ZNF518A: variants seen among roughly 807,000 people sequenced by gnomAD.
ZNF518A encodes zinc finger protein 518A.
ZNF518A carries 47 observed loss-of-function variants against 102.7 expected under a neutral mutation model. The ratio of observed to expected loss-of-function variants is 0.46; its 90% confidence interval spans 0.36 to 0.58. The LOEUF is 0.58. Among genes scored for constraint, ZNF518A ranks in the 20% least tolerant of loss-of-function variants. The pLI is 0.00. For synonymous variants in ZNF518A, 652 were observed against 594.6 expected (o/e 1.10, Z -1.40); for missense variants, 1,793 against 1,699.8 (o/e 1.05, Z -0.96).
rs1235682099 is a variant in ZNF518A, at chr10:96,200,428, G to T, written n.36-3146G>T. ...AAGTAATAATCCCCCTTTCCATTGT[G>T]CTCTTATTGCTCTTACTTTGTGGAG... On this transcript the variant is annotated intron_variant and non_coding_transcript_variant, in intron 1 of 2. Transcript: ENST00000442635. This position sits in a 1 kb window ranked among gnomAD's most constrained non-coding sequence, Gnocchi z 4.3. Among the ~76,000 whole-genome samples, 3 of 151,390 alleles carry T rather than the reference G, an allele frequency of 2.0e-5. No individual in the cohort carries two copies. The highest frequency in any genetic ancestry group is 3.9e-4 in the East Asian group (2 of 5,172).
At chr10:96,167,392 T>G (rs587599021), downstream of ZNF518A, among the ~76,000 whole-genome samples, 27 of 152,284 alleles carry the variant, frequency 1.8e-4, 1 homozygote, top group Admixed American at 1.4e-3. Flanking sequence ...AGGCAGAGGT[T>G]GCAGTGAGCC....
chr10:96,180,175 A>C (rs1299561584), intron 1 of ZNF518A, among the ~76,000 whole-genome samples: 1 of 118,394 alleles, frequency 8.4e-6, no homozygotes, highest in African/African-American at 3.5e-5. Context: ...CCACAGCTCC[A>C]GCCTCTTTTT....
At chr10:96,138,964 A>C in intron 3 of ZNF518A, among the ~76,000 whole-genome samples, 1 of 133,698 alleles carries the variant, frequency 7.5e-6, no homozygotes, top group Non-Finnish European at 1.6e-5. Context: ...TTTTTTGAGG[A>C]AGGGATGGTT....
intron 3 of ZNF518A, among the ~76,000 whole-genome samples, chr10:96,138,906 A>T (rs2081760441): frequency 6.6e-6 from 1 of 152,182 alleles, no homozygotes; most frequent in Admixed American, 6.5e-5. Context: ...AAGTGTTACA[A>T]AAAAAGAAAT....
chr10:96,186,659 G>A (rs1196680423), intron 1 of ZNF518A, among the ~76,000 whole-genome samples: 1 of 152,198 alleles, frequency 6.6e-6, no homozygotes, highest in Non-Finnish European at 1.5e-5. Context: ...GCCTCCCAAA[G>A]TGCTGGGATT....
intron 3 of ZNF518A, among the ~76,000 whole-genome samples, chr10:96,149,390 C>G (rs1487519750): frequency 6.6e-6 from 1 of 152,206 alleles, no homozygotes; most frequent in Non-Finnish European, 1.5e-5. Flanking sequence ...ACTCTCTCCC[C>G]TGTGCCTGGT....
chr10:96,156,607 G>C lies in ZNF518A; in HGVS notation c.285G>C (p.Glu95Asp), dbSNP rs1591221225. ...ISIKTVSCVE[E>D]CTLLHKSERA... is the part of the protein sequence containing the mutation. ...TAAAGACTGTAAGCTGTGTAGAGGA[G>C]TGTACATTGCTTCATAAGTCTGAGA... Residue 95 changes from glutamate to aspartate, a missense_variant, in exon 6 of 6, where the codon GAG becomes GAC. This residue lies in a region of ZNF518A where 1,741 missense variants were observed against 1,622.6 expected (regional missense o/e 1.07). Transcript: ENST00000316045. 1 of 1,613,684 alleles carries C rather than the reference G, an allele frequency of 6.2e-7. No homozygotes were observed. The highest frequency in any genetic ancestry group is 1.3e-5 in the African/African-American group (1 of 74,902).
chr10:96,192,234 C>T, intron 1 of ZNF518A: 3 of 1,199,306 alleles, frequency 2.5e-6, no homozygotes, highest in Non-Finnish European at 3.5e-6. Flanking sequence ...TCTAGTTTAA[C>T]AAAGGCTGTA....
rs1171147987 is a variant in ZNF518A, at chr10:96,142,311, T to G, written c.-302+8663T>G. Among the ~76,000 whole-genome samples the G allele has an allele frequency of 1.3e-4, 5 of 38,376 alleles. No individual in the cohort carries two copies. In the South Asian group the frequency reaches 5.4e-3, roughly 41 times the overall value. The allele number at this position is 38,376 out of a possible 152,430, so 25.2% of individuals were successfully genotyped here. A position where few individuals can be genotyped will look rare whatever the true frequency, so the allele number is the denominator to read the frequency against. ...TTGAAAGTAATATTCTTAGGGTGTG[T>G]GTGTGTGTGTGTGTGTGTGTGTGTG... On this transcript the variant is annotated intron_variant, in intron 3 of 5. Coordinates refer to ENST00000316045, the MANE Select transcript of ZNF518A (RefSeq NM_001330736.2).
intron 1 of ZNF518A, among the ~76,000 whole-genome samples, chr10:96,169,109 G>A (rs782241338): frequency 8.5e-5 from 13 of 152,118 alleles, no homozygotes; most frequent in Non-Finnish European, 1.5e-4. Flanking sequence ...GCTCACTGCA[G>A]CATTGAACTC....
chr10:96,205,065 G>A (rs1487379794), downstream of ZNF518A: 1 of 209,198 alleles, frequency 4.8e-6, no homozygotes, highest in Non-Finnish European at 9.8e-6. Flanking sequence ...ACTGATAAGA[G>A]GCACACTACT....
Position 96,160,161 on chromosome 10 carries a change from A to G in ZNF518A, c.3839A>G (p.Lys1280Arg). The change falls in exon 6 of 6, where the codon AAG becomes AGG. Residue 1280 changes from lysine (K) to arginine (R), a missense_variant. Transcript: ENST00000316045. ...FVSRNRNCKR[K>R]CRDSYQEPPR... Reference sequence around the variant, plus strand: ...TCTAGAAACAGAAACTGTAAACGAAAGTGTAGGGATAGTTACCAAGAACCT... The same window carrying G: ...TCTAGAAACAGAAACTGTAAACGAAGGTGTAGGGATAGTTACCAAGAACCT... 1.9e-6 allele frequency: 3 copies of G among 1,609,572 alleles called. No individual in the cohort carries two copies. The highest frequency in any genetic ancestry group is 1.7e-6 in the Non-Finnish European group (2 of 1,178,190).
At chr10:96,146,475 G>A (rs1554878581) in intron 3 of ZNF518A, among the ~76,000 whole-genome samples, 1 of 151,802 alleles carries the variant, frequency 6.6e-6, no homozygotes, top group African/African-American at 2.4e-5. Flanking sequence ...AACATCTTTT[G>A]CAATCTGATT....
At chr10:96,165,578 A>G (rs901871371), downstream of ZNF518A, among the ~76,000 whole-genome samples, 2 of 151,828 alleles carry the variant, frequency 1.3e-5, no homozygotes, top group South Asian at 2.1e-4. Flanking sequence ...AGCAGATTAC[A>G]TTTTTAGAAC....
At chr10:96,151,245 G>A (rs1043844977) in intron 3 of ZNF518A, among the ~76,000 whole-genome samples, 2 of 152,164 alleles carry the variant, frequency 1.3e-5, no homozygotes, top group African/African-American at 4.8e-5. Context: ...CAGTGTTTTT[G>A]TTAGGAGAAG....
chr10:96,160,248 G>T lies in ZNF518A; in HGVS notation c.3926G>T (p.Arg1309Leu), dbSNP rs368890631. The T allele has an allele frequency of 6.2e-7, 1 of 1,613,356 alleles. No individual in the cohort carries two copies. Among genetic ancestry groups the T allele is most frequent in the Non-Finnish European group, 8.5e-7 (1 of 1,179,620 alleles). ...GAAAAGGCAAAACCTGAAGATGTCCGTGAAACATTTGGATTTAGCAGACCT... is the reference window on the plus strand; with the variant it reads ...GAAAAGGCAAAACCTGAAGATGTCCTTGAAACATTTGGATTTAGCAGACCT... ...CKEKAKPEDV[R>L]ETFGFSRPRL... Residue 1309 changes from arginine to leucine, a missense_variant, in exon 6 of 6, where the codon CGT becomes CTT. By Grantham distance (102) the Arg-to-Leu change is moderately radical (BLOSUM62 -2). Coordinates refer to ENST00000316045, the MANE Select transcript of ZNF518A (RefSeq NM_001330736.2).
downstream of ZNF518A, among the ~76,000 whole-genome samples, chr10:96,164,474 C>A (rs1303083815): frequency 2.0e-5 from 3 of 152,058 alleles, no homozygotes; most frequent in African/African-American, 2.4e-5. Context: ...GAAACTTTTT[C>A]CTGTAATGGA....
At chr10:96,176,797 T>C (rs2083207148) in intron 1 of ZNF518A, among the ~76,000 whole-genome samples, 1 of 151,190 alleles carries the variant, frequency 6.6e-6, no homozygotes, top group Non-Finnish European at 1.5e-5. Context: ...TCAGGAGGGC[T>C]GACGCAGGAG....
intron 3 of ZNF518A, among the ~76,000 whole-genome samples, chr10:96,144,059 C>CA: frequency 6.6e-6 from 1 of 152,260 alleles, no homozygotes; most frequent in Non-Finnish European, 1.5e-5. Flanking sequence ...GATCACGGCT[C>CA]ACTGCAGCCT....
Sources: allele counts gnomAD v4.1 joint callset (sites outside exome capture counted in the v4.1 genomes callset), GRCh38; gene constraint gnomAD v4.1.1; regional missense constraint gnomAD v4.1.1; non-coding constraint Gnocchi (gnomAD v3.1); transcripts MANE v1.5; gene names NCBI Gene and HGNC (gene_info 2026-07-23, HGNC 2026-07-21).